The following ROBO2 variants were observed in gnomAD, a reference collection of about 807,000 sequenced individuals.
ROBO2 encodes the protein roundabout guidance receptor 2.
In ROBO2, 53 loss-of-function variants were observed where a neutral mutation model predicts 160.8. The observed-to-expected ratio is 0.33, with a 90% CI of 0.26 to 0.41. ROBO2 has a LOEUF of 0.41. Among genes scored for constraint, ROBO2 ranks in the 10% least tolerant of loss-of-function variants. The probability of loss-of-function intolerance (pLI) is 1.00; values close to 1 mark genes in which losing one functional copy is unlikely to be tolerated. For synonymous variants in ROBO2, 664 were observed against 611.7 expected (o/e 1.09, Z -1.26); for missense variants, 1,577 against 1,722.4 (o/e 0.92, Z 1.49).
rs73841058 is a variant in ROBO2 at position 75,958,105 on chromosome 3, A to G, written c.109+20503A>G. On this transcript the variant is annotated intron_variant, in intron 2 of 26. Coordinates refer to the ROBO2 transcript ENST00000487694. ...AACTGATATTAGAAAAAGTGACACTATCTTTCTGAACATAAACCTTGTTTC... is the reference window on the plus strand; with the variant it reads ...AACTGATATTAGAAAAAGTGACACTGTCTTTCTGAACATAAACCTTGTTTC... 8.3e-3 allele frequency among the ~76,000 whole-genome samples: 1,266 copies of G among 151,912 alleles called. 18 individuals are homozygous for G. Among genetic ancestry groups the G allele is most frequent in the African/African-American group, 0.028 (1,182 of 41,540 alleles).
chr3:77,110,111 C>T lies in ROBO2; in HGVS notation c.388+11771C>T, dbSNP rs564155448. Among the ~76,000 whole-genome samples, 11 of 152,214 alleles carry T rather than the reference C, an allele frequency of 7.2e-5. No homozygotes were observed. The South Asian group carries it at 2.1e-3, about 29-fold the overall frequency. ...GTAATTTGATTTTCTCTGTACAGTT[C>T]CTAGTTGTCAAATATTAGCATCAAG... On this transcript the variant is annotated intron_variant, in intron 2 of 25. Coordinates refer to ENST00000461745, the Ensembl canonical transcript of ROBO2.
chr3:76,070,799 G>A (rs868406436), intron 2 of ROBO2, among the ~76,000 whole-genome samples: 15 of 151,854 alleles, frequency 9.9e-5, no homozygotes, highest in African/African-American at 2.4e-4. Context: ...TTCTCAAGCC[G>A]GCCGGCACTT....
intron 1 of ROBO2, among the ~76,000 whole-genome samples, chr3:77,053,449 G>A (rs188461330): frequency 6.6e-6 from 1 of 152,186 alleles, no homozygotes; most frequent in East Asian, 1.9e-4. Flanking sequence ...TAAAGACTCT[G>A]TGTGATGCTT....
At chr3:77,221,315 T>C (rs1402044063) in intron 2 of ROBO2, among the ~76,000 whole-genome samples, 2 of 152,218 alleles carry the variant, frequency 1.3e-5, no homozygotes, top group African/African-American at 4.8e-5. Context: ...TAAAATGAGT[T>C]GTATAGGATT....
At chr3:76,574,251 T>A (rs1362913225) in intron 2 of ROBO2, among the ~76,000 whole-genome samples, 1 of 152,054 alleles carries the variant, frequency 6.6e-6, no homozygotes, top group Non-Finnish European at 1.5e-5. Flanking sequence ...ATCAGGTAAA[T>A]AATCACCAGT....
chr3:76,408,354 C>T (rs879603932), intron 2 of ROBO2, among the ~76,000 whole-genome samples: 2 of 151,960 alleles, frequency 1.3e-5, no homozygotes, highest in Admixed American at 6.6e-5. Context: ...TCTGTCCTTG[C>T]CAATTGCCTG....
intron 2 of ROBO2, among the ~76,000 whole-genome samples, chr3:76,262,301 T>C (rs1423075342): frequency 6.6e-6 from 1 of 152,110 alleles, no homozygotes; most frequent in African/African-American, 2.4e-5. Flanking sequence ...CTTTGCTTTT[T>C]TTTTTCCCCA....
chr3:76,603,394 A>T (rs191562921), intron 2 of ROBO2, among the ~76,000 whole-genome samples: 1 of 137,758 alleles, frequency 7.3e-6, no homozygotes, highest in East Asian at 2.1e-4. Flanking sequence ...ATATGAGTAG[A>T]AATATGGACA....
chr3:76,323,595 T>G (rs2107921247), intron 2 of ROBO2, among the ~76,000 whole-genome samples: 1 of 152,228 alleles, frequency 6.6e-6, no homozygotes, highest in African/African-American at 2.4e-5. Flanking sequence ...TTAGGTGGCA[T>G]GGAGAGTATC....
intron 2 of ROBO2, among the ~76,000 whole-genome samples, chr3:76,763,218 A>G (rs1478135872): frequency 6.6e-6 from 1 of 151,722 alleles, no homozygotes; most frequent in East Asian, 2.0e-4. Context: ...AGTTATTACA[A>G]AGTAGACAAG....
intron 5 of ROBO2, among the ~76,000 whole-genome samples, chr3:77,521,481 G>A (rs1021769187): frequency 6.6e-6 from 1 of 151,172 alleles, no homozygotes; most frequent in African/African-American, 2.4e-5. Flanking sequence ...TTTATAGTAT[G>A]GTAATGGATG....
intron 2 of ROBO2, among the ~76,000 whole-genome samples, chr3:76,569,007 C>T (rs1223366315): frequency 6.6e-6 from 1 of 152,116 alleles, no homozygotes; most frequent in East Asian, 1.9e-4. Flanking sequence ...ATATTTAGAT[C>T]ATTTAGATAT....
At chr3:76,677,593 G>A (rs1038322167) in intron 2 of ROBO2, among the ~76,000 whole-genome samples, 7 of 152,096 alleles carry the variant, frequency 4.6e-5, no homozygotes, top group East Asian at 1.9e-4. Context: ...AGCAGTTGCC[G>A]TAGCCACAGG....
intron 2 of ROBO2, among the ~76,000 whole-genome samples, chr3:77,354,374 T>C (rs1308628865): frequency 6.6e-6 from 1 of 152,196 alleles, no homozygotes; most frequent in Non-Finnish European, 1.5e-5. Flanking sequence ...TCATTGTTCC[T>C]TTGTTAATTT....
chr3:77,316,664 C>T, intron 2 of ROBO2: 1 of 664,106 alleles, frequency 1.5e-6, no homozygotes, highest in Non-Finnish European at 2.7e-6. Context: ...TACTTGCATC[C>T]CAGTCATACA....
At chr3:76,175,002 A>C (rs150207212) in intron 2 of ROBO2, among the ~76,000 whole-genome samples, 1 of 152,138 alleles carries the variant, frequency 6.6e-6, no homozygotes, top group African/African-American at 2.4e-5. Flanking sequence ...TGAGCATGGA[A>C]TTATTTTCCA....
intron 1 of ROBO2, among the ~76,000 whole-genome samples, chr3:77,088,607 C>T (rs2069681506): frequency 6.6e-6 from 1 of 152,062 alleles, no homozygotes; most frequent in Non-Finnish European, 1.5e-5. Context: ...AGATACCTAT[C>T]CAATATAGCC....
intron 2 of ROBO2, among the ~76,000 whole-genome samples, chr3:76,896,413 G>A (rs369496426): frequency 3.7e-4 from 57 of 152,022 alleles, no homozygotes; most frequent in Admixed American, 5.9e-4. Context: ...GGAGTTGTGA[G>A]GATGTATTGA....
intron 2 of ROBO2, among the ~76,000 whole-genome samples, chr3:77,393,114 A>G (rs1471708007): frequency 1.3e-5 from 2 of 152,020 alleles, no homozygotes; most frequent in Non-Finnish European, 2.9e-5. Flanking sequence ...ATAAATTTGC[A>G]TTTATTGAAA....
Sources: gnomAD v4.1 joint callset for allele counts (sites outside exome capture counted in the v4.1 genomes callset) on GRCh38, gnomAD v4.1.1 for gene constraint, MANE v1.5 for transcripts, NCBI Gene and HGNC (gene_info 2026-07-23, HGNC 2026-07-21) for gene names.